The following CADM2 variants were observed in gnomAD, a reference collection of about 807,000 sequenced individuals.
CADM2 encodes the protein immunoglobulin superfamily member 4D.
CADM2 carries 12 observed loss-of-function variants against 49.8 expected under a neutral mutation model. The ratio of observed to expected loss-of-function variants is 0.24; its 90% CI spans 0.15 to 0.39. CADM2 has a LOEUF of 0.39. Among genes scored for constraint, CADM2 ranks in the 10% least tolerant of loss-of-function variants. The probability of loss-of-function intolerance (pLI) is 1.00; values close to 1 mark genes in which losing one functional copy is unlikely to be tolerated. For synonymous variants in CADM2, 214 were observed against 175.4 expected, an observed-to-expected ratio of 1.22 and a Z score of -1.74; for missense variants, 378 against 492.3, an observed-to-expected ratio of 0.77 and a Z score of 2.20.
intron 1 of CADM2, among the ~76,000 whole-genome samples, chr3:85,347,223 C>CAAAAAAAAAAAAAAAAAA (rs11331703): frequency 4.3e-5 from 2 of 46,138 alleles, no homozygotes; most frequent in African/African-American, 1.0e-4. Flanking sequence ...CTCTGTCTCA[C>CAAAAAAAAAAAAAAAAAA]AAAAAAAAAA....
chr3:85,393,120 A>G (rs1004896735), intron 1 of CADM2, among the ~76,000 whole-genome samples: 1 of 151,550 alleles, frequency 6.6e-6, no homozygotes, highest in African/African-American at 2.4e-5. Flanking sequence ...AAAAATTCCT[A>G]GGATAAATGA....
intron 3 of CADM2, among the ~76,000 whole-genome samples, chr3:85,833,330 G>A (rs1052117041): frequency 6.6e-6 from 1 of 151,624 alleles, no homozygotes; most frequent in Non-Finnish European, 1.5e-5. Context: ...TTTGGCATCA[G>A]GGTGATGCTG....
intron 2 of CADM2, among the ~76,000 whole-genome samples, chr3:85,775,668 A>G (rs1313390122): frequency 1.3e-5 from 2 of 151,986 alleles, no homozygotes; most frequent in South Asian, 4.1e-4. Context: ...ATTTGGTGCT[A>G]TACTAAGTGC....
At chr3:85,387,731 T>G (rs2107382411) in intron 1 of CADM2, among the ~76,000 whole-genome samples, 1 of 152,294 alleles carries the variant, frequency 6.6e-6, no homozygotes, top group South Asian at 2.1e-4. Flanking sequence ...TTTAGTAGTA[T>G]TCTAAATGAT....
chr3:85,423,128 C>G (rs1438636600), intron 1 of CADM2, among the ~76,000 whole-genome samples: 1 of 152,040 alleles, frequency 6.6e-6, no homozygotes, highest in Non-Finnish European at 1.5e-5. Flanking sequence ...TTCGGCCATC[C>G]TAAGGCAGAT....
chr3:85,107,277 C>T (rs2038266123), intron 1 of CADM2, among the ~76,000 whole-genome samples: 3 of 152,034 alleles, frequency 2.0e-5, no homozygotes, highest in Admixed American at 1.3e-4. Flanking sequence ...ATGGATATTT[C>T]ATAAGTTTTG....
At chr3:85,306,334 C>T (rs994237) in intron 1 of CADM2, among the ~76,000 whole-genome samples, 32,239 of 151,436 alleles carry the variant, frequency 0.21, 5,342 homozygotes, top group African/African-American at 0.47. Context: ...ATAAAGATGA[C>T]TTCTCTATGG....
Position 84,982,413 on chromosome 3 carries a change from A to G in CADM2, c.61+22745A>G, listed in dbSNP as rs536942194. Among the ~76,000 whole-genome samples the G allele has an allele frequency of 2.9e-3, 440 of 152,062 alleles. 2 individuals carry two copies. Among genetic ancestry groups the G allele is most frequent in the Middle Eastern group, 0.017 (5 of 286 alleles). ...TATGCAGATAGTCTATATCAACATA[A>G]ACTAAATATCTGGATATAAGTCTAA... On this transcript the variant is annotated intron_variant, in intron 1 of 9. Transcript: ENST00000383699.
intron 1 of CADM2, among the ~76,000 whole-genome samples, chr3:85,009,061 G>A (rs953651601): frequency 6.6e-6 from 1 of 152,178 alleles, no homozygotes; most frequent in African/African-American, 2.4e-5. Context: ...AGTGAGAGAT[G>A]TCTGCGCAGC....
chr3:85,325,940 A>G (rs1243324963), intron 1 of CADM2, among the ~76,000 whole-genome samples: 1 of 152,170 alleles, frequency 6.6e-6, no homozygotes, highest in Non-Finnish European at 1.5e-5. Context: ...AAATAAATGA[A>G]TTATATTTTG....
At chr3:86,032,447 TG>T (rs1673801375) in intron 8 of CADM2, among the ~76,000 whole-genome samples, 1 of 151,882 alleles carries the variant, frequency 6.6e-6, no homozygotes. Flanking sequence ...TGTAATAAAA[TG>T]TATCAGAAAG....
intron 1 of CADM2, among the ~76,000 whole-genome samples, chr3:85,125,009 G>A (rs1391988729): frequency 1.3e-5 from 2 of 152,106 alleles, no homozygotes; most frequent in African/African-American, 4.8e-5. Flanking sequence ...TAAATAAAAT[G>A]CTCTAAGAAC....
At chr3:85,149,210 T>C (rs1272591813) in intron 1 of CADM2, among the ~76,000 whole-genome samples, 1 of 152,088 alleles carries the variant, frequency 6.6e-6, no homozygotes, top group Admixed American at 6.6e-5. Context: ...CATGGTGAAA[T>C]TTAATTGCCA....
intron 1 of CADM2, among the ~76,000 whole-genome samples, chr3:85,637,810 A>T (rs1169956419): frequency 6.6e-6 from 1 of 152,026 alleles, no homozygotes. Context: ...ACCATTCAAG[A>T]CTGCTTTCCT....
At chr3:85,629,074 G>C (rs1480733173) in intron 1 of CADM2, among the ~76,000 whole-genome samples, 1 of 151,560 alleles carries the variant, frequency 6.6e-6, no homozygotes, top group Non-Finnish European at 1.5e-5. Context: ...TAGTTAACCC[G>C]CTTTCATGTA....
rs67058834 is a variant in CADM2, at chr3:85,189,062, AAAATAAAT to A, written c.61+229416_61+229423del. Reference sequence around the variant, plus strand: ...ATAATAATAGTAATAATAAATAAATAAAATAAATAAATAAATAAATAAATAAATAGCGA... The same window carrying A: ...ATAATAATAGTAATAATAAATAAATAAAATAAATAAATAAATAAATAGCGA... On this transcript the variant is annotated intron_variant, in intron 1 of 9. Transcript: ENST00000383699. Among the ~76,000 whole-genome samples the A allele has an allele frequency of 4.0e-3, 586 of 145,576 alleles. 2 individuals are homozygous for A. Among genetic ancestry groups the A allele is most frequent in the African/African-American group, 0.012 (469 of 39,626 alleles).
At chr3:85,812,741 T>G (rs149297069) in intron 3 of CADM2, among the ~76,000 whole-genome samples, 7,746 of 152,044 alleles carry the variant, frequency 0.051, 558 homozygotes, top group African/African-American at 0.16. Context: ...GATGTTCCCC[T>G]CCCTGTGTCC....
At chr3:85,338,934 A>T (rs1439704659) in intron 1 of CADM2, among the ~76,000 whole-genome samples, 2 of 151,530 alleles carry the variant, frequency 1.3e-5, no homozygotes, top group Non-Finnish European at 3.0e-5. Context: ...TTAAGTTTTA[A>T]ATAATGTATT....
chr3:85,121,272 A>G (rs1411075554), intron 1 of CADM2, among the ~76,000 whole-genome samples: 2 of 152,230 alleles, frequency 1.3e-5, no homozygotes, highest in Admixed American at 1.3e-4. Flanking sequence ...CTTTGGTTAT[A>G]TGCTGCCGGT....
Sources: allele counts gnomAD v4.1 joint callset (sites outside exome capture counted in the v4.1 genomes callset), GRCh38; gene constraint gnomAD v4.1.1; transcripts MANE v1.5; gene names NCBI Gene and HGNC (gene_info 2026-07-23, HGNC 2026-07-21).